DISP3: variants seen among roughly 807,000 people sequenced by gnomAD.
The protein encoded by DISP3 is protein dispatched homolog 3.
In DISP3, 101 loss-of-function variants were observed where a neutral mutation model predicts 135.3. The observed-to-expected ratio is 0.75, with a 90% CI of 0.64 to 0.88. The LOEUF is 0.88. Among genes scored for constraint, DISP3 ranks in the 40% least tolerant of loss-of-function variants. The pLI is 0.00. For missense variants in DISP3, 1,713 were observed against 1,878.6 expected (o/e 0.91, Z 1.63); for synonymous variants, 856 against 817.0 (o/e 1.05, Z -0.81).
intron 15 of DISP3, among the ~76,000 whole-genome samples, chr1:11,530,655 G>T (rs1039475502): frequency 6.6e-6 from 1 of 152,142 alleles, no homozygotes; most frequent in African/African-American, 2.4e-5. Context: ...GTGAGAAGGT[G>T]GTGAGGGAAG....
Position 11,519,476 on chromosome 1 carries a change from C to T in DISP3, c.2011C>T (p.Pro671Ser), listed in dbSNP as rs778154255. The T allele has an allele frequency of 3.0e-5, 48 of 1,613,574 alleles. No homozygotes were observed. The highest frequency in any genetic ancestry group is 3.7e-5 in the Non-Finnish European group (44 of 1,180,020). The change falls in exon 8 of 21, where the codon CCC (proline) becomes TCC (serine). Residue 671 changes from proline to serine, a missense_variant. By Grantham distance (74) the Pro-to-Ser change is moderately conservative. Around this residue, in one of 2 missense-constraint regions of DISP3, gnomAD observed 1,142 missense variants for 1,384.6 expected, o/e 0.82. Coordinates refer to ENST00000294484, the MANE Select transcript of DISP3 (RefSeq NM_020780.2). This position sits in a 1 kb window ranked among gnomAD's most constrained non-coding sequence, Gnocchi z 4.3. ...GPIPYLDDDI[P>S]LLEVEEEPVS... is the part of the protein sequence containing the mutation. ...CATACCCTACCTGGATGATGACATCCCCTTGCTGGAGGTCGAGGAAGAGCC... is the reference window on the plus strand; with the variant it reads ...CATACCCTACCTGGATGATGACATCTCCTTGCTGGAGGTCGAGGAAGAGCC...
intron 1 of DISP3, among the ~76,000 whole-genome samples, chr1:11,493,579 C>A (rs1641246707): frequency 6.6e-6 from 1 of 152,078 alleles, no homozygotes. Flanking sequence ...CAAAAATTAG[C>A]CAGGCATGGT....
At chr1:11,524,811 G>A (rs1240942387) in intron 11 of DISP3, among the ~76,000 whole-genome samples, 1 of 65,804 alleles carries the variant, frequency 1.5e-5, no homozygotes, top group Non-Finnish European at 2.8e-5. Context: ...CCCCATCCCT[G>A]TGCCTACCAT....
chr1:11,488,399 G>A (rs548578293), intron 1 of DISP3, among the ~76,000 whole-genome samples: 40 of 152,212 alleles, frequency 2.6e-4, no homozygotes, highest in African/African-American at 7.5e-4. Context: ...CCCATCTCCT[G>A]GATGGACACC....
chr1:11,512,887 A>C (rs1390647858), intron 3 of DISP3, among the ~76,000 whole-genome samples: 3 of 152,168 alleles, frequency 2.0e-5, no homozygotes, highest in Non-Finnish European at 2.9e-5. Context: ...CACTTCTTAC[A>C]TGGGGACGGC....
chr1:11,520,754 C>T lies in DISP3; in HGVS notation c.2268C>T (p.Ala756=). Residue 756 remains alanine (A), a synonymous_variant, in exon 10 of 21, where the codon GCC becomes GCT. Transcript: ENST00000294484. The surrounding 1 kb of genome is among the most constrained non-coding windows in gnomAD (Gnocchi z 4.8). ...GCCGGCTCCGCCCCGCCAGCCGGGCCCCGCTACTCTTCCGGCCTGATACCA... is the reference window on the plus strand; with the variant it reads ...GCCGGCTCCGCCCCGCCAGCCGGGCTCCGCTACTCTTCCGGCCTGATACCA... ...FASRLRPASR[A]PLLFRPDTNI... 1 of 1,613,556 alleles carries T rather than the reference C, an allele frequency of 6.2e-7. No homozygotes were observed. Among genetic ancestry groups the T allele is most frequent in the South Asian group, 1.1e-5 (1 of 91,074 alleles).
At chr1:11,497,790 A>T (rs901528164) in intron 1 of DISP3, among the ~76,000 whole-genome samples, 2 of 152,208 alleles carry the variant, frequency 1.3e-5, no homozygotes, top group Non-Finnish European at 2.9e-5. Flanking sequence ...CTTCACTCAG[A>T]ATAATAGTCT....
rs754287040 is a variant in DISP3, at chr1:11,501,734, C to CGTGCCCGCCGAG, written c.744_755dup (p.Arg250_Ala253dup). 3 of 1,591,564 alleles carry CGTGCCCGCCGAG rather than the reference C, an allele frequency of 1.9e-6. No individual in the cohort carries two copies. The highest frequency in any genetic ancestry group is 2.6e-6 in the Non-Finnish European group (3 of 1,167,880). ...CGCGGCAGTCGCGGCCAATCAGAGCCGTGCCCGCCGAGGCGCCTCGCGCTG... is the reference window on the plus strand; with the variant it reads ...CGCGGCAGTCGCGGCCAATCAGAGCCGTGCCCGCCGAGGTGCCCGCCGAGGCGCCTCGCGCTG... On this transcript the variant is annotated inframe_insertion, in exon 2 of 21. Coordinates refer to ENST00000294484, the MANE Select transcript of DISP3 (RefSeq NM_020780.2). This position sits in a 1 kb window ranked among gnomAD's most constrained non-coding sequence, Gnocchi z 4.9.
chr1:11,492,061 G>T (rs996660350), intron 1 of DISP3, among the ~76,000 whole-genome samples: 9 of 141,480 alleles, frequency 6.4e-5, no homozygotes, highest in Admixed American at 2.2e-4. Context: ...GGCGGAGCTT[G>T]CAGTGAGCCG....
At position 11,516,970 on chromosome 1, in the gene DISP3, T is replaced by A. The variant is rs1642029901; in HGVS notation, c.1750-493T>A. On this transcript the variant is annotated intron_variant, in intron 6 of 20. Transcript: ENST00000294484. The surrounding 1 kb of genome is among the most constrained non-coding windows in gnomAD (Gnocchi z 5.1). ...TTTCACAGAGTGTAGGCTGCTCTGTTGGTGGCTACAGCTTCCTTCCAACTA... is the reference window on the plus strand; with the variant it reads ...TTTCACAGAGTGTAGGCTGCTCTGTAGGTGGCTACAGCTTCCTTCCAACTA... 6.6e-6 allele frequency among the ~76,000 whole-genome samples: 1 copy of A among 151,892 alleles called. No homozygotes were observed. The highest frequency in any genetic ancestry group is 1.5e-5 in the Non-Finnish European group (1 of 68,016).
At chr1:11,535,349 CAG>C in intron 19 of DISP3, 127 bp from the exon 20 acceptor site, 1 of 1,329,864 alleles carries the variant, frequency 7.5e-7, no homozygotes, top group East Asian at 2.3e-5. Context: ...TCCCCTCCCT[CAG>C]GGGTCCCCTC....
chr1:11,531,156 G>C lies in DISP3; in HGVS notation c.3229+123G>C. On this transcript the variant is annotated intron_variant, in intron 16 of 20. Coordinates refer to ENST00000294484, the MANE Select transcript of DISP3 (RefSeq NM_020780.2). This position sits in a 1 kb window ranked among gnomAD's most constrained non-coding sequence, Gnocchi z 5.2. The stretch of plus-strand genomic sequence containing the variant: ...GTCTGGCATGTGGGGGTCTTTTGCA[G>C]ATGTGTATCTGTGCTGAGCATGTCC... 1 of 1,462,292 alleles carries C rather than the reference G, an allele frequency of 6.8e-7. No individual in the cohort carries two copies. Among genetic ancestry groups the C allele is most frequent in the Non-Finnish European group, 9.3e-7 (1 of 1,080,614 alleles). The allele number at this position is 1,462,292 out of a possible 1,614,324, so 90.6% of individuals were successfully genotyped here. A position where few individuals can be genotyped will look rare whatever the true frequency, so the allele number is the denominator to read the frequency against.
Position 11,501,452 on chromosome 1 carries a change from GAGCAGCTGC to G in DISP3, c.471_479del (p.Gln157_Leu159del). The G allele has an allele frequency of 5.6e-6, 9 of 1,601,288 alleles. No individual in the cohort carries two copies. The highest frequency in any genetic ancestry group is 7.7e-6 in the Non-Finnish European group (9 of 1,174,400). On this transcript the variant is annotated inframe_deletion, in exon 2 of 21. Coordinates refer to ENST00000294484, the MANE Select transcript of DISP3 (RefSeq NM_020780.2). This position sits in a 1 kb window ranked among gnomAD's most constrained non-coding sequence, Gnocchi z 4.9. ...CGAGACGCTTCAGCGCCTTATCTCA[GAGCAGCTGC>G]AGCAGCTGCATCTCGGCAACCGCTC...
chr1:11,523,680 A>G (rs1642317804), intron 10 of DISP3, among the ~76,000 whole-genome samples: 1 of 151,546 alleles, frequency 6.6e-6, no homozygotes, highest in Non-Finnish European at 1.5e-5. Context: ...TGGCACAGAG[A>G]GGGCGAGCAG....
intron 3 of DISP3, among the ~76,000 whole-genome samples, chr1:11,512,184 G>A (rs1641875387): frequency 6.6e-6 from 1 of 152,186 alleles, no homozygotes; most frequent in South Asian, 2.1e-4. Flanking sequence ...CCATGGTCTT[G>A]GGGATTAACA....
At chr1:11,515,242 CAG>C in intron 4 of DISP3, 125 bp from the exon 5 acceptor site, 1 of 1,334,150 alleles carries the variant, frequency 7.5e-7, no homozygotes, top group Non-Finnish European at 1.0e-6. Context: ...GTGCTGGGAA[CAG>C]AGTGGTGAAT....
At chr1:11,523,449 ACGGGGGCAGAGTGGCACAGAGAGGGCAAG>A (rs1642306030) in intron 10 of DISP3, among the ~76,000 whole-genome samples, 8 of 147,628 alleles carry the variant, frequency 5.4e-5, no homozygotes, top group African/African-American at 7.5e-5. Context: ...GAGGGTGAGC[ACGGGGGCAGAGTGGCACAGAGAGGGCAAG>A]CGGGGGCAGA....
At chr1:11,489,905 A>C (rs931707215) in intron 1 of DISP3, among the ~76,000 whole-genome samples, 1 of 152,224 alleles carries the variant, frequency 6.6e-6, no homozygotes, top group African/African-American at 2.4e-5. Context: ...CAGAATGAAA[A>C]GGGCCCTGAG....
At chr1:11,523,121 C>CT (rs1261431622) in intron 10 of DISP3, among the ~76,000 whole-genome samples, 1 of 152,232 alleles carries the variant, frequency 6.6e-6, no homozygotes, top group African/African-American at 2.4e-5. Context: ...CTGCAAGTCC[C>CT]TCCCTGGGCA....
Sources: allele counts gnomAD v4.1 joint callset (sites outside exome capture counted in the v4.1 genomes callset), GRCh38; gene constraint gnomAD v4.1.1; regional missense constraint gnomAD v4.1.1; non-coding constraint Gnocchi (gnomAD v3.1); transcripts MANE v1.5; gene names NCBI Gene and HGNC (gene_info 2026-07-23, HGNC 2026-07-21).